Variants in FOXP2 observed in about 807,000 individuals in gnomAD.
FOXP2 encodes the protein forkhead box protein P2.
FOXP2 carries 12 observed loss-of-function variants against 115.8 expected under a neutral mutation model. The observed-to-expected ratio is 0.10, with a 90% confidence interval of 0.07 to 0.17. The LOEUF is 0.17. FOXP2 is among the 10% of genes least tolerant of loss of function. FOXP2 has a pLI of 1.00. For synonymous variants in FOXP2, 328 were observed against 297.7 expected, an observed-to-expected ratio of 1.10 and a Z score of -1.05; for missense variants, 629 against 843.5, an observed-to-expected ratio of 0.75 and a Z score of 3.15.
chr7:114,167,010 G>T (rs919565645), intron 1 of FOXP2, among the ~76,000 whole-genome samples: 2 of 152,148 alleles, frequency 1.3e-5, no homozygotes, highest in Non-Finnish European at 2.9e-5. Flanking sequence ...AAGACAGTTT[G>T]GTAGTTTCTT....
At chr7:114,133,725 TTCTC>T (rs936556629) in intron 1 of FOXP2, among the ~76,000 whole-genome samples, 3 of 152,170 alleles carry the variant, frequency 2.0e-5, no homozygotes, top group African/African-American at 7.2e-5. Context: ...AGTGAGTTAG[TTCTC>T]TCTCTCATGA....
chr7:114,564,207 C>T (rs927894239), intron 3 of FOXP2, among the ~76,000 whole-genome samples: 4 of 151,206 alleles, frequency 2.6e-5, no homozygotes, highest in South Asian at 2.1e-4. Context: ...CACATATTGT[C>T]GGCATAATCC....
intron 1 of FOXP2, among the ~76,000 whole-genome samples, chr7:114,262,109 G>T (rs1795769520): frequency 2.0e-5 from 3 of 151,822 alleles, no homozygotes; most frequent in South Asian, 2.1e-4. Flanking sequence ...GTATCTGATA[G>T]AACTTACTGC....
At chr7:114,129,707 A>G (rs1791819561) in intron 1 of FOXP2, among the ~76,000 whole-genome samples, 1 of 152,196 alleles carries the variant, frequency 6.6e-6, no homozygotes, top group Non-Finnish European at 1.5e-5. Context: ...TGTTGGCCGA[A>G]CTTTATAAAT....
chr7:114,579,962 A>T (rs1232902526), intron 3 of FOXP2, among the ~76,000 whole-genome samples: 3 of 152,328 alleles, frequency 2.0e-5, no homozygotes, highest in Admixed American at 2.0e-4. Context: ...AAAAACAAGT[A>T]GTTAGGAGAG....
intron 1 of FOXP2, among the ~76,000 whole-genome samples, chr7:114,187,625 T>C (rs1793646803): frequency 6.6e-6 from 1 of 152,220 alleles, no homozygotes; most frequent in South Asian, 2.1e-4. Flanking sequence ...TAGCATTCAT[T>C]TCAAAACTGT....
intron 2 of FOXP2, chr7:114,297,194 C>A: frequency 2.0e-6 from 1 of 489,672 alleles, no homozygotes; most frequent in Admixed American, 2.5e-5. Context: ...GTGGATGTGT[C>A]CCCACCCTTT....
chr7:114,545,026 C>T (rs773455625), intron 3 of FOXP2, among the ~76,000 whole-genome samples: 3 of 151,978 alleles, frequency 2.0e-5, no homozygotes, highest in East Asian at 1.9e-4. Context: ...AATTGAGGAA[C>T]GAGGGATGGA....
chr7:114,310,560 A>G (rs1023999857), intron 2 of FOXP2, among the ~76,000 whole-genome samples: 1 of 151,360 alleles, frequency 6.6e-6, no homozygotes, highest in African/African-American at 2.4e-5. Flanking sequence ...GGCAGGTGGC[A>G]CTATTTTACT....
At chr7:114,525,633 T>A (rs986464833) in intron 2 of FOXP2, among the ~76,000 whole-genome samples, 1 of 152,142 alleles carries the variant, frequency 6.6e-6, no homozygotes, top group Non-Finnish European at 1.5e-5. Context: ...ACCTCTTTAT[T>A]TTCTGAATTA....
At chr7:114,657,409 T>C (rs1806646015) in intron 10 of FOXP2, among the ~76,000 whole-genome samples, 1 of 152,192 alleles carries the variant, frequency 6.6e-6, no homozygotes, top group African/African-American at 2.4e-5. Flanking sequence ...TGTTAACACA[T>C]GCCACAAATG....
At chr7:114,578,339 A>G (rs922808639) in intron 3 of FOXP2, among the ~76,000 whole-genome samples, 4 of 152,004 alleles carry the variant, frequency 2.6e-5, no homozygotes, top group Admixed American at 6.6e-5. Context: ...AAAGGAAGGG[A>G]TGTCTGCTTA....
At chr7:114,372,526 A>T (rs1328981240) in intron 2 of FOXP2, among the ~76,000 whole-genome samples, 1 of 152,220 alleles carries the variant, frequency 6.6e-6, no homozygotes, top group African/African-American at 2.4e-5. Context: ...TGAGTACTCT[A>T]TGTGAGTTTT....
intron 1 of FOXP2, among the ~76,000 whole-genome samples, chr7:114,190,506 T>C (rs1161829203): frequency 6.6e-6 from 1 of 152,176 alleles, no homozygotes; most frequent in East Asian, 1.9e-4. Flanking sequence ...TGGTGTGGAC[T>C]GGGAACTACA....
At chr7:114,478,368 A>C (rs1000776286) in intron 2 of FOXP2, among the ~76,000 whole-genome samples, 1 of 151,872 alleles carries the variant, frequency 6.6e-6, no homozygotes, top group African/African-American at 2.4e-5. Context: ...GGCCTAACTT[A>C]TGAGTATAAG....
chr7:114,589,260 T>C lies in FOXP2; in HGVS notation c.259-39280T>C, dbSNP rs549319709. On this transcript the variant is annotated intron_variant, in intron 3 of 16. Coordinates refer to ENST00000350908, the MANE Select transcript of FOXP2 (RefSeq NM_014491.4). ...TATTGGCTTTTTTTCAAATACCTAA[T>C]GTTTTTTGGTTGTTGGTTCAATATA... 3.9e-5 allele frequency among the ~76,000 whole-genome samples: 6 copies of C among 152,294 alleles called. No individual in the cohort carries two copies. The East Asian group carries it at 1.2e-3, about 29-fold the overall frequency.
At chr7:114,371,986 T>C in intron 2 of FOXP2, among the ~76,000 whole-genome samples, 1 of 152,346 alleles carries the variant, frequency 6.6e-6, no homozygotes, top group Non-Finnish European at 1.5e-5. Context: ...TTTAAAAGAA[T>C]ATAACAGTAT....
At chr7:114,157,794 T>A (rs527966327) in intron 1 of FOXP2, among the ~76,000 whole-genome samples, 1 of 152,234 alleles carries the variant, frequency 6.6e-6, no homozygotes, top group African/African-American at 2.4e-5. Context: ...TGGCATATTC[T>A]GTAAAGATAA....
At chr7:114,485,859 G>A (rs1012571759) in intron 2 of FOXP2, among the ~76,000 whole-genome samples, 16 of 152,122 alleles carry the variant, frequency 1.1e-4, no homozygotes, top group African/African-American at 3.9e-4. Context: ...TTTCCAAGTT[G>A]AGAAAGCTAA....
Sources: allele counts gnomAD v4.1 joint callset (sites outside exome capture counted in the v4.1 genomes callset), GRCh38; gene constraint gnomAD v4.1.1; transcripts MANE v1.5; gene names NCBI Gene and HGNC (gene_info 2026-07-23, HGNC 2026-07-21).